PHF20L1: variants seen among roughly 807,000 people sequenced by gnomAD.
The protein encoded by PHF20L1 is PHD finger protein 20 like 1.
A neutral mutation model predicts 125.5 loss-of-function variants in PHF20L1; 44 were observed. That is an observed-to-expected ratio of 0.35 (90% CI 0.28 to 0.45). The LOEUF (loss-of-function observed/expected upper bound fraction) is 0.45, where lower values mean the gene tolerates loss of function less well. Among genes scored for constraint, PHF20L1 ranks in the 20% least tolerant of loss-of-function variants. The probability of loss-of-function intolerance (pLI) is 1.00; values close to 1 mark genes in which losing one functional copy is unlikely to be tolerated. For missense variants in PHF20L1, 1,012 were observed against 1,217.2 expected (o/e 0.83, Z 2.51); for synonymous variants, 380 against 403.1 (o/e 0.94, Z 0.69).
chr8:132,797,352 C>T (rs1489578000), intron 4 of PHF20L1, among the ~76,000 whole-genome samples: 1 of 151,876 alleles, frequency 6.6e-6, no homozygotes, highest in East Asian at 1.9e-4. Context: ...AGAAAAGGGG[C>T]CAGTCAGTGT....
At chr8:132,789,056 C>G (rs1333588533) in intron 2 of PHF20L1, 1 of 152,048 alleles carries the variant, frequency 6.6e-6, no homozygotes, top group East Asian at 1.9e-4. Flanking sequence ...AATAAGAATT[C>G]ACTGGTAATA....
chr8:132,798,820 G>A lies in PHF20L1; in HGVS notation c.389G>A (p.Arg130Lys). The A allele has an allele frequency of 6.2e-7, 1 of 1,610,148 alleles. No individual in the cohort carries two copies. The highest frequency in any genetic ancestry group is 8.5e-7 in the Non-Finnish European group (1 of 1,177,658). ...FYDGVIRCLK[R>K]MHIKAMPEDA... Reference sequence around the variant, plus strand: ...GATGGAGTAATTCGTTGTTTAAAAAGAATGCACATTAAAGCCATGCCCGAG... The same window carrying A: ...GATGGAGTAATTCGTTGTTTAAAAAAAATGCACATTAAAGCCATGCCCGAG... Residue 130 changes from arginine (R) to lysine (K), a missense_variant, in exon 5 of 21, where the codon AGA becomes AAA. This residue lies in a region of PHF20L1 where 94 missense variants were observed against 179.5 expected (regional missense o/e 0.52). Coordinates refer to ENST00000395386, the MANE Select transcript of PHF20L1 (RefSeq NM_016018.5).
chr8:132,798,555 T>C (rs1487479388), intron 4 of PHF20L1, among the ~76,000 whole-genome samples: 5 of 152,004 alleles, frequency 3.3e-5, no homozygotes, highest in Admixed American at 1.3e-4. Flanking sequence ...AACTAACTTA[T>C]CAAGACTTAA....
intron 17 of PHF20L1, 99 bp from the exon 18 acceptor site, chr8:132,839,273 TGCTCCTAGTGCTAGA>T: frequency 5.2e-6 from 4 of 767,300 alleles, no homozygotes; most frequent in Non-Finnish European, 8.9e-6. Flanking sequence ...TTTTTGAATC[TGCTCCTAGTGCTAGA>T]GCTTGCCTTG....
At chr8:132,827,357 C>G (rs1836295757) in intron 14 of PHF20L1, among the ~76,000 whole-genome samples, 1 of 152,068 alleles carries the variant, frequency 6.6e-6, no homozygotes, top group Admixed American at 6.6e-5. Flanking sequence ...TGAACTCCCA[C>G]CTGACCAAAG....
intron 9 of PHF20L1, chr8:132,812,829 T>C: frequency 2.0e-6 from 2 of 980,668 alleles, no homozygotes; most frequent in Non-Finnish European, 2.4e-6. Context: ...ATGTCACTCA[T>C]GACATAGATT....
chr8:132,822,061 A>T (rs1431674069), intron 12 of PHF20L1, among the ~76,000 whole-genome samples: 1 of 151,856 alleles, frequency 6.6e-6, no homozygotes, highest in Non-Finnish European at 1.5e-5. Flanking sequence ...GCATATATGA[A>T]TATTTATTTT....
In PHF20L1 at chr8:132,824,120, A is replaced by G. The variant is rs1021866474; in HGVS notation, c.1636+60A>G. 4 of 1,050,706 alleles carry G rather than the reference A, an allele frequency of 3.8e-6. No individual in the cohort carries two copies. In the African/African-American group the frequency reaches 4.8e-5, roughly 13 times the overall value. The allele number at this position is 1,050,706 out of a possible 1,614,324, so 65.1% of individuals were successfully genotyped here. A position where few individuals can be genotyped will look rare whatever the true frequency, so the allele number is the denominator to read the frequency against. ...ATAAAGCTTGACAGAGAGGGAGGACATAGTCTGCCCCTTACTCTTTACCAG... is the reference window on the plus strand; with the variant it reads ...ATAAAGCTTGACAGAGAGGGAGGACGTAGTCTGCCCCTTACTCTTTACCAG... On this transcript the variant is annotated intron_variant, in intron 13 of 20. Coordinates refer to ENST00000395386, the MANE Select transcript of PHF20L1 (RefSeq NM_016018.5).
chr8:132,845,944 A>G lies in PHF20L1; in HGVS notation c.*21A>G. 1 of 1,594,104 alleles carries G rather than the reference A, an allele frequency of 6.3e-7. No homozygotes were observed. The highest frequency in any genetic ancestry group is 8.6e-7 in the Non-Finnish European group (1 of 1,165,204). ...TATGACAACAGTGAACACTTAATGA[A>G]AGAATGTGGCTTTCTTCAGTCAAAG... On this transcript the variant is annotated 3_prime_UTR_variant, in exon 21 of 21. Transcript: ENST00000395386.
At chr8:132,811,758 A>AT (rs770007986) in intron 9 of PHF20L1, 12 of 985,010 alleles carry the variant, frequency 1.2e-5, no homozygotes, top group Non-Finnish European at 1.4e-5. Flanking sequence ...ATGCTTTTAC[A>AT]TTCTCTAAGG....
chr8:132,837,685 A>G (rs769125021), intron 16 of PHF20L1, 27 bp from the exon 17 acceptor site: 5 of 1,548,390 alleles, frequency 3.2e-6, no homozygotes, highest in Non-Finnish European at 4.5e-6. Flanking sequence ...GGATCGGGTG[A>G]CTGTAATACT....
Position 132,794,718 on chromosome 8 carries a change from AG to A in PHF20L1, c.256-14del. On this transcript the variant is annotated splice_polypyrimidine_tract_variant and intron_variant, in intron 3 of 20. Transcript: ENST00000395386. ...TAATATACATGGAATTGATCTTAAA[AG>A]TTGTTTAAAATAGGATTTTAAAGCT... 6.3e-7 allele frequency: 1 copy of A among 1,599,422 alleles called. No individual in the cohort carries two copies. The highest frequency in any genetic ancestry group is 1.7e-5 in the Admixed American group (1 of 59,504).
intron 2 of PHF20L1, among the ~76,000 whole-genome samples, chr8:132,787,930 C>CT (rs1365451736): frequency 1.3e-5 from 2 of 152,056 alleles, no homozygotes; most frequent in Admixed American, 1.3e-4. Flanking sequence ...TAAGACAGCT[C>CT]TTACCCTTCT....
intron 12 of PHF20L1, among the ~76,000 whole-genome samples, chr8:132,819,933 G>C (rs576023180): frequency 1.3e-5 from 2 of 151,938 alleles, no homozygotes; most frequent in East Asian, 3.9e-4. Flanking sequence ...TTTACTTTTG[G>C]GGGAGCAAGA....
intron 2 of PHF20L1, among the ~76,000 whole-genome samples, chr8:132,782,655 G>C (rs1475955583): frequency 1.3e-5 from 2 of 151,830 alleles, no homozygotes; most frequent in East Asian, 3.9e-4. Flanking sequence ...ATCATGACTT[G>C]AAGCAGCCTG....
chr8:132,814,729 T>A lies in PHF20L1; in HGVS notation c.1023T>A (p.Thr341=), dbSNP rs202070033. The A allele has an allele frequency of 8.1e-6, 13 of 1,612,870 alleles. No homozygotes were observed. The highest frequency in any genetic ancestry group is 1.7e-6 in the Non-Finnish European group (2 of 1,179,216). The change falls in exon 10 of 21, where the codon ACT becomes ACA. Residue 341 remains threonine (T), a synonymous_variant. Coordinates refer to ENST00000395386, the MANE Select transcript of PHF20L1 (RefSeq NM_016018.5). The stretch of plus-strand genomic sequence containing the variant: ...AGAAACCTGCACTGTTATCCTCAAC[T>A]TTGTCTTCAGGGAAGGCTCGCAGCA... ...NTQKPALLSS[T]LSSGKARSKK...
intron 6 of PHF20L1, chr8:132,799,500 A>T (rs1199410447): frequency 1.1e-5 from 2 of 183,224 alleles, no homozygotes; most frequent in Non-Finnish European, 2.2e-5. Context: ...GTTTTCTGAA[A>T]TACTGGAAAG....
At chr8:132,797,138 A>G (rs1368088120) in intron 4 of PHF20L1, among the ~76,000 whole-genome samples, 2 of 152,038 alleles carry the variant, frequency 1.3e-5, no homozygotes, top group Non-Finnish European at 2.9e-5. Flanking sequence ...GTGAACACAT[A>G]GTGAAATATT....
At chr8:132,813,108 A>C in intron 9 of PHF20L1, 1 of 969,870 alleles carries the variant, frequency 1.0e-6, no homozygotes, top group Non-Finnish European at 1.2e-6. Flanking sequence ...CTTGTTTTAT[A>C]ACTTTGTAAC....
Sources: gnomAD v4.1 joint callset for allele counts (sites outside exome capture counted in the v4.1 genomes callset) on GRCh38, gnomAD v4.1.1 for gene constraint, gnomAD v4.1.1 regional missense constraint, MANE v1.5 for transcripts, NCBI Gene and HGNC (gene_info 2026-07-23, HGNC 2026-07-21) for gene names.